UBR4: variants seen among roughly 807,000 people sequenced by gnomAD.
UBR4 encodes E3 ubiquitin-protein ligase UBR4.
Under a neutral mutation model 575.6 loss-of-function variants are expected in UBR4, and 124 were observed. That is an observed-to-expected ratio of 0.22 (90% CI 0.19 to 0.25). The LOEUF (loss-of-function observed/expected upper bound fraction) is 0.25. UBR4 is among the 10% of genes least tolerant of loss of function. The pLI is 1.00. For missense variants in UBR4, 4,818 were observed against 6,478.8 expected (o/e 0.74, Z 8.80); for synonymous variants, 2,455 against 2,473.7 (o/e 0.99, Z 0.22).
At position 19,131,014 on chromosome 1, in the gene UBR4, T is replaced by G. The variant is rs542700464; in HGVS notation, c.8907-1940A>C. On this transcript the variant is annotated intron_variant, in intron 60 of 105. Transcript: ENST00000375254. Reference sequence around the variant, plus strand: ...GTCTTGACTTCCTGGGCTCAAGAGATCCTCCCACCTCAGCCTCCTGAGTAG... The same window carrying G: ...GTCTTGACTTCCTGGGCTCAAGAGAGCCTCCCACCTCAGCCTCCTGAGTAG... Among the ~76,000 whole-genome samples the G allele has an allele frequency of 9.2e-5, 14 of 152,014 alleles. No homozygotes were observed. The East Asian group carries it at 2.5e-3, about 27-fold the overall frequency.
intron 2 of UBR4, among the ~76,000 whole-genome samples, chr1:19,200,282 C>CA (rs71577879): frequency 0.28 from 41,176 of 146,458 alleles, 6,403 homozygotes; most frequent in East Asian, 0.61. Context: ...AAAAAAAAGG[C>CA]AAAAAAAAAA....
chr1:19,156,887 T>C lies in UBR4; in HGVS notation c.5799A>G (p.Ala1933=). 1.2e-6 allele frequency: 2 copies of C among 1,614,188 alleles called. No individual in the cohort carries two copies. The highest frequency in any genetic ancestry group is 1.7e-6 in the Non-Finnish European group (2 of 1,180,000). ...VLQLSALLKQ[A]DSSKRKLTLT... ...GAGTTAACTTCCTTTTGCTGGAATCTGCTTGCTTCAGGAGTGCAGAGAGCT... is the reference window on the plus strand; with the variant it reads ...GAGTTAACTTCCTTTTGCTGGAATCCGCTTGCTTCAGGAGTGCAGAGAGCT... The change falls in exon 41 of 106, where the codon GCA becomes GCG. Residue 1933 remains alanine, a synonymous_variant. Transcript: ENST00000375254.
rs764301942 is a variant in UBR4 at position 19,165,757 on chromosome 1, A to G, written c.4110T>C (p.Ser1370=). 1.2e-6 allele frequency: 2 copies of G among 1,610,882 alleles called. No homozygotes were observed. The highest frequency in any genetic ancestry group is 1.7e-5 in the Admixed American group (1 of 59,122). The change falls in exon 30 of 106, where the codon AGT becomes AGC. Residue 1370 remains serine (S), a splice_region_variant and synonymous_variant. Coordinates refer to ENST00000375254, the MANE Select transcript of UBR4 (RefSeq NM_020765.3). Reference sequence around the variant, plus strand: ...CCTCCAGGATGGATTCATCCAGTCCACTGAGGATCAAACGGAAAACTTAAC... The same window carrying G: ...CCTCCAGGATGGATTCATCCAGTCCGCTGAGGATCAAACGGAAAACTTAAC... ...NILANHADPN[S]GLDESILEEC... is the part of the protein sequence containing the mutation.
At position 19,153,447 on chromosome 1, in the gene UBR4, G is replaced by A. The variant is rs781559812; in HGVS notation, c.6686C>T (p.Thr2229Ile). The change falls in exon 46 of 106, where the codon ACA becomes ATA. Residue 2229 changes from threonine (T) to isoleucine (I), a missense_variant. Thr to Ile is a moderately conservative substitution (Grantham distance 89). Coordinates refer to ENST00000375254, the MANE Select transcript of UBR4 (RefSeq NM_020765.3). This position sits in a 1 kb window ranked among gnomAD's most constrained non-coding sequence, Gnocchi z 4.1. ...GCCATCCTCACACAGCAGAATCATT[G>A]TTGTCCGCTGCTGCTCATTGCAGGC... ...HTACNEQQRT[T>I]MILLCEDGSL... is the part of the protein sequence containing the mutation. 1.2e-5 allele frequency: 20 copies of A among 1,614,058 alleles called. No homozygotes were observed. The highest frequency in any genetic ancestry group is 1.6e-5 in the Non-Finnish European group (19 of 1,180,038).
In UBR4 at chr1:19,199,759, G is replaced by C. The variant is rs375699094; in HGVS notation, c.275-5C>G. ...ACTGAAGTTGGTTCCGGGGAACTGA[G>C]AAAGTAATAAACATTACTCAATTTC... On this transcript the variant is annotated splice_polypyrimidine_tract_variant and splice_region_variant and intron_variant, in intron 2 of 105. Transcript: ENST00000375254. The C allele has an allele frequency of 1.2e-6, 2 of 1,613,430 alleles. No homozygotes were observed.
At chr1:19,206,304 T>C (rs2093005411) in intron 1 of UBR4, among the ~76,000 whole-genome samples, 1 of 151,872 alleles carries the variant, frequency 6.6e-6, no homozygotes, top group Non-Finnish European at 1.5e-5. Flanking sequence ...CCCACTGTAC[T>C]CCAGCCCAGC....
At position 19,155,393 on chromosome 1, in the gene UBR4, T is replaced by C. The variant is rs77071887; in HGVS notation, c.6300+48A>G. 87 of 1,546,090 alleles carry C rather than the reference T, an allele frequency of 5.6e-5. 1 individual carries two copies. The East Asian group carries it at 1.9e-3, about 35-fold the overall frequency. On this transcript the variant is annotated intron_variant, in intron 43 of 105. Coordinates refer to ENST00000375254, the MANE Select transcript of UBR4 (RefSeq NM_020765.3). ...AAAGAAAAAAGAATAGAGGAGTTGCTAAATAATTAAATCCGGAATAGAAGG... is the reference window on the plus strand; with the variant it reads ...AAAGAAAAAAGAATAGAGGAGTTGCCAAATAATTAAATCCGGAATAGAAGG...
In UBR4 at chr1:19,096,379, G is replaced by A. The variant is rs16862534; in HGVS notation, c.13518+144C>T. The A allele has an allele frequency of 9.1e-3, 12,112 of 1,332,002 alleles. 645 individuals carry two copies. In the African/African-American group the frequency reaches 0.14, roughly 15 times the overall value. The allele number at this position is 1,332,002 out of a possible 1,614,324, so 82.5% of individuals were successfully genotyped here. A position where few individuals can be genotyped will look rare whatever the true frequency, so the allele number is the denominator to read the frequency against. ...TGTGCCTAAGAATGTAGTCCTAACT[G>A]CCAGGTCCTTCACTGGCTCGCACTG... On this transcript the variant is annotated intron_variant, in intron 92 of 105. Coordinates refer to ENST00000375254, the MANE Select transcript of UBR4 (RefSeq NM_020765.3).
At chr1:19,075,279 T>C in intron 105 of UBR4, 1 of 290,672 alleles carries the variant, frequency 3.4e-6, no homozygotes, top group South Asian at 3.2e-5. Context: ...AGGCCAGGGG[T>C]GCTTGCCAGC....
At chr1:19,170,245 A>T (rs984620258) in intron 26 of UBR4, among the ~76,000 whole-genome samples, 1 of 152,236 alleles carries the variant, frequency 6.6e-6, no homozygotes, top group African/African-American at 2.4e-5. Context: ...AAAAAAATTT[A>T]AAAATTATAC....
In UBR4 at chr1:19,198,920, C is replaced by T. The variant is rs780893704; in HGVS notation, c.387G>A (p.Leu129=). 6.2e-7 allele frequency: 1 copy of T among 1,612,164 alleles called. No individual in the cohort carries two copies. Among genetic ancestry groups the T allele is most frequent in the Admixed American group, 1.7e-5 (1 of 59,364 alleles). The change falls in exon 4 of 106, where the codon TTG becomes TTA. Residue 129 remains leucine (L), a synonymous_variant. Transcript: ENST00000375254. The part of the protein sequence containing the change: ...DEACAVSQKH[L]ILLIKGLCTG... ...TGCACAGGCCCTTGATTAGGAGAATCAAGTGTTTCTGAAAAGAAAACAAAT... is the reference window on the plus strand; with the variant it reads ...TGCACAGGCCCTTGATTAGGAGAATTAAGTGTTTCTGAAAAGAAAACAAAT...
chr1:19,195,490 CTT>C (rs2092396509), intron 8 of UBR4, among the ~76,000 whole-genome samples: 2 of 152,072 alleles, frequency 1.3e-5, no homozygotes, highest in Admixed American at 1.3e-4. Context: ...TCCTTACTGA[CTT>C]TAATCACTTA....
At chr1:19,074,972 A>C in intron 105 of UBR4, 76 bp from the exon 106 acceptor site, 1 of 1,504,018 alleles carries the variant, frequency 6.6e-7, no homozygotes, top group Non-Finnish European at 9.2e-7. Context: ...CAGCTGCCGC[A>C]TCTAGCAGAG....
chr1:19,077,892 G>C (rs769927711), intron 104 of UBR4, 84 bp downstream of exon 104: 1 of 1,608,838 alleles, frequency 6.2e-7, no homozygotes, highest in Non-Finnish European at 8.5e-7. Flanking sequence ...GCAGCCATGT[G>C]GGTGCTGAGG....
At chr1:19,091,696 T>C (rs960327732) in intron 97 of UBR4, among the ~76,000 whole-genome samples, 4 of 152,250 alleles carry the variant, frequency 2.6e-5, no homozygotes, top group Non-Finnish European at 5.9e-5. Flanking sequence ...GGAGCAGCCA[T>C]ACATTTCCGG....
chr1:19,204,234 C>T (rs1039584223), intron 1 of UBR4, among the ~76,000 whole-genome samples: 4 of 152,126 alleles, frequency 2.6e-5, no homozygotes, highest in African/African-American at 9.7e-5. Context: ...AAACTCCTGA[C>T]CTCGTGATCC....
chr1:19,113,735 G>A lies in UBR4; in HGVS notation c.11421C>T (p.Cys3807=). The A allele has an allele frequency of 6.2e-7, 1 of 1,614,196 alleles. No individual in the cohort carries two copies. Among genetic ancestry groups the A allele is most frequent in the Non-Finnish European group, 8.5e-7 (1 of 1,180,032 alleles). ...LQLAQEYCGD[C]KNSFDELSKI... ...TGGAGAGTTCATCAAAAGAGTTCTT[G>A]CAGTCTCCACAATACTCCTGAGCCA... Residue 3807 remains cysteine (C), a synonymous_variant, in exon 77 of 106, where the codon TGC becomes TGT. Coordinates refer to ENST00000375254, the MANE Select transcript of UBR4 (RefSeq NM_020765.3).
At chr1:19,113,530 G>T in intron 77 of UBR4, 169 bp downstream of exon 77, 1 of 947,136 alleles carries the variant, frequency 1.1e-6, no homozygotes, top group African/African-American at 1.6e-5. Flanking sequence ...ATAAATCACG[G>T]TGGGGGAGAT....
intron 105 of UBR4, 58 bp from the exon 106 acceptor site, chr1:19,074,954 CT>C: frequency 1.3e-6 from 2 of 1,580,316 alleles, no homozygotes; most frequent in South Asian, 1.1e-5. Context: ...CCCATTCCCC[CT>C]GAGTCACAGC....
Sources: gnomAD v4.1 joint callset for allele counts (sites outside exome capture counted in the v4.1 genomes callset) on GRCh38, gnomAD v4.1.1 for gene constraint, Gnocchi (gnomAD v3.1) non-coding constraint, MANE v1.5 for transcripts, NCBI Gene and HGNC (gene_info 2026-07-23, HGNC 2026-07-21) for gene names.